Variants in DGKB observed in about 807,000 individuals in gnomAD.
DGKB encodes the protein 90 kDa diacylglycerol kinase.
A neutral mutation model predicts 114.3 loss-of-function variants in DGKB; 67 were observed. The observed-to-expected ratio is 0.59, with a 90% confidence interval of 0.48 to 0.72. The LOEUF (loss-of-function observed/expected upper bound fraction) is 0.72, where lower values mean the gene tolerates loss of function less well. Among genes scored for constraint, DGKB ranks in the 30% least tolerant of loss-of-function variants. The pLI is 0.00. For missense variants in DGKB, 907 were observed against 975.2 expected, an observed-to-expected ratio of 0.93 and a Z score of 0.93; for synonymous variants, 398 against 323.1, an observed-to-expected ratio of 1.23 and a Z score of -2.49.
intron 21 of DGKB, among the ~76,000 whole-genome samples, chr7:14,398,657 G>A (rs1822614003): frequency 6.6e-6 from 1 of 151,944 alleles, no homozygotes; most frequent in African/African-American, 2.4e-5. Flanking sequence ...TGATGAGCTA[G>A]AATGAGAGTA....
At chr7:14,608,614 G>A (rs1804953253) in intron 16 of DGKB, among the ~76,000 whole-genome samples, 1 of 151,866 alleles carries the variant, frequency 6.6e-6, no homozygotes, top group African/African-American at 2.4e-5. Context: ...GAAATAAAAG[G>A]TATCCAAACA....
At chr7:14,670,994 T>C (rs975742664) in intron 13 of DGKB, among the ~76,000 whole-genome samples, 4 of 152,194 alleles carry the variant, frequency 2.6e-5, no homozygotes, top group African/African-American at 4.8e-5. Flanking sequence ...TCAAAAGAGC[T>C]ATAATTATTG....
At chr7:14,540,031 C>T (rs911374079) in intron 20 of DGKB, among the ~76,000 whole-genome samples, 30 of 151,910 alleles carry the variant, frequency 2.0e-4, no homozygotes, top group African/African-American at 7.2e-4. Context: ...GTGGACTTAT[C>T]ACATCATTTA....
chr7:14,944,331 A>T lies in DGKB; in HGVS notation c.-188+30365T>A, dbSNP rs184321636. Reference sequence around the variant, plus strand: ...TAATAGAATTGTCAGTATTGAAATTACCTAATGAAATAGGAATGTGTGATA... The same window carrying T: ...TAATAGAATTGTCAGTATTGAAATTTCCTAATGAAATAGGAATGTGTGATA... On this transcript the variant is annotated intron_variant, in intron 1 of 4. Transcript: ENST00000437998. Among the ~76,000 whole-genome samples the T allele has an allele frequency of 1.2e-3, 187 of 152,026 alleles. 2 individuals carry two copies. The highest frequency in any genetic ancestry group is 4.4e-3 in the African/African-American group (183 of 41,550).
chr7:14,215,204 G>C (rs1788755119), intron 23 of DGKB, among the ~76,000 whole-genome samples: 1 of 152,142 alleles, frequency 6.6e-6, no homozygotes, highest in South Asian at 2.1e-4. Context: ...TAAACAGGAA[G>C]AATATGGCAA....
chr7:14,606,647 C>T (rs1243201429), intron 17 of DGKB, among the ~76,000 whole-genome samples: 1 of 151,420 alleles, frequency 6.6e-6, no homozygotes, highest in Non-Finnish European at 1.5e-5. Context: ...CTTCTGTCCA[C>T]TTCATGTGGT....
chr7:14,787,163 C>T (rs748736608), intron 2 of DGKB, among the ~76,000 whole-genome samples: 10 of 152,146 alleles, frequency 6.6e-5, no homozygotes, highest in Non-Finnish European at 1.0e-4. Flanking sequence ...TTCCCAGATA[C>T]GGGCCAAGAA....
At position 14,229,773 on chromosome 7, in the gene DGKB, A is replaced by C. The variant is rs558914701; in HGVS notation, c.2123-51622T>G. Among the ~76,000 whole-genome samples the C allele has an allele frequency of 2.6e-5, 4 of 152,030 alleles. No individual in the cohort carries two copies. The East Asian group carries it at 7.8e-4, about 29-fold the overall frequency. On this transcript the variant is annotated intron_variant, in intron 23 of 25. Transcript: ENST00000402815. ...TCTGTCTCTAAGCATAAAGTTGTTA[A>C]ATAAAATATTTTGTTAAGTGTAACA...
intron 21 of DGKB, among the ~76,000 whole-genome samples, chr7:14,414,902 C>G (rs1276383165): frequency 6.6e-6 from 1 of 151,840 alleles, no homozygotes; most frequent in Non-Finnish European, 1.5e-5. Context: ...CTGTTGTGAA[C>G]ATAATTTTTA....
chr7:14,708,710 G>A (rs967358985), intron 6 of DGKB, among the ~76,000 whole-genome samples: 7 of 151,368 alleles, frequency 4.6e-5, no homozygotes, highest in Non-Finnish European at 8.8e-5. Flanking sequence ...AACAAGAAAT[G>A]GGGAAAGGAT....
intron 9 of DGKB, among the ~76,000 whole-genome samples, chr7:14,692,398 TTGGAATTTCCTGAC>T: frequency 6.6e-6 from 1 of 152,012 alleles, no homozygotes. Context: ...ATCATTATTA[TTGGAATTTCCTGAC>T]TAAAGTTATC....
chr7:14,321,568 C>A (rs1807811455), intron 23 of DGKB, among the ~76,000 whole-genome samples: 1 of 143,700 alleles, frequency 7.0e-6, no homozygotes. Flanking sequence ...CCCATGTATT[C>A]AGCCTTGCAC....
At chr7:14,740,198 G>A (rs1201703942) in intron 4 of DGKB, among the ~76,000 whole-genome samples, 1 of 151,114 alleles carries the variant, frequency 6.6e-6, no homozygotes, top group African/African-American at 2.4e-5. Flanking sequence ...AAGAACAAGA[G>A]GTTTCTTCCC....
intron 2 of DGKB, among the ~76,000 whole-genome samples, chr7:14,762,052 C>T (rs1835778477): frequency 6.6e-6 from 1 of 152,088 alleles, no homozygotes; most frequent in African/African-American, 2.4e-5. Flanking sequence ...CAAATTACTG[C>T]CCTTTGACTA....
At chr7:14,402,192 A>G (rs187947930) in intron 21 of DGKB, among the ~76,000 whole-genome samples, 107 of 151,974 alleles carry the variant, frequency 7.0e-4, no homozygotes, top group African/African-American at 2.5e-3. Context: ...TTTTAAAAGA[A>G]AGAAGGAAGA....
chr7:14,915,273 G>C (rs1202951153), intron 1 of DGKB, among the ~76,000 whole-genome samples: 1 of 152,118 alleles, frequency 6.6e-6, no homozygotes, highest in Non-Finnish European at 1.5e-5. Context: ...AGCTACTTGG[G>C]AGGCTGGAAT....
chr7:14,613,398 C>A lies in DGKB; in HGVS notation c.1300G>T (p.Gly434Cys). The change falls in exon 16 of 26, where the codon GGT becomes TGT. Residue 434 changes from glycine (G) to cysteine (C), a missense_variant. Physicochemically the swap from Gly to Cys is radical, Grantham distance 159 (BLOSUM62 -3). Transcript: ENST00000402815. ...GQGLQVTPVP[G>C]THPLLVFVNP... ...ACAAAAACTAAAAGTGGGTGAGTAC[C>A]AGGCACAGGAGTGACCTATAAGAAA... The A allele has an allele frequency of 6.4e-7, 1 of 1,564,806 alleles. No homozygotes were observed. Among genetic ancestry groups the A allele is most frequent in the Non-Finnish European group, 8.7e-7 (1 of 1,152,042 alleles).
intron 25 of DGKB, among the ~76,000 whole-genome samples, chr7:14,156,964 T>A (rs1469205652): frequency 6.6e-6 from 1 of 152,160 alleles, no homozygotes; most frequent in Non-Finnish European, 1.5e-5. Context: ...CAGAGTGGGC[T>A]TAATAATATT....
At chr7:14,415,177 T>C (rs1825512280) in intron 21 of DGKB, among the ~76,000 whole-genome samples, 1 of 152,006 alleles carries the variant, frequency 6.6e-6, no homozygotes, top group Non-Finnish European at 1.5e-5. Context: ...ATTTGACTAT[T>C]TTCTGGTGAA....
Sources: allele counts gnomAD v4.1 joint callset (sites outside exome capture counted in the v4.1 genomes callset), GRCh38; gene constraint gnomAD v4.1.1; transcripts MANE v1.5; gene names NCBI Gene and HGNC (gene_info 2026-07-23, HGNC 2026-07-21).